The following EPB41L2 variants were observed in gnomAD, a reference collection of about 807,000 sequenced individuals.
EPB41L2 encodes the protein erythrocyte membrane protein band 4.1 like 2.
EPB41L2 carries 43 observed loss-of-function variants against 113.0 expected under a neutral mutation model. The observed-to-expected ratio is 0.38, with a 90% CI of 0.30 to 0.49. The LOEUF is 0.49. Among genes scored for constraint, EPB41L2 ranks in the 20% least tolerant of loss-of-function variants. EPB41L2 has a pLI of 0.95. For synonymous variants in EPB41L2, 442 were observed against 436.7 expected, an observed-to-expected ratio of 1.01 and a Z score of -0.15; for missense variants, 1,147 against 1,223.4, an observed-to-expected ratio of 0.94 and a Z score of 0.93.
chr6:130,927,108 A>G (rs1805021048), intron 3 of EPB41L2, among the ~76,000 whole-genome samples: 1 of 152,194 alleles, frequency 6.6e-6, no homozygotes, highest in African/African-American at 2.4e-5. Context: ...TATTCAGTAG[A>G]TCCTAACATA....
intron 1 of EPB41L2, among the ~76,000 whole-genome samples, chr6:131,018,085 G>T (rs1788645736): frequency 1.3e-5 from 2 of 152,164 alleles, no homozygotes; most frequent in Admixed American, 1.3e-4. Flanking sequence ...GGCCTAGCTA[G>T]AACAGACCCA....
intron 10 of EPB41L2, among the ~76,000 whole-genome samples, chr6:130,892,399 A>G (rs1431764680): frequency 3.3e-5 from 2 of 60,030 alleles, no homozygotes; most frequent in Non-Finnish European, 8.4e-5. Flanking sequence ...TGAACAGATT[A>G]TTGCTTTTTT....
At chr6:130,864,049 T>C (rs1415838875) in intron 17 of EPB41L2, among the ~76,000 whole-genome samples, 1 of 152,204 alleles carries the variant, frequency 6.6e-6, no homozygotes, top group Non-Finnish European at 1.5e-5. Context: ...AGTAGTTCCT[T>C]TAAGGGAATT....
intron 4 of EPB41L2, among the ~76,000 whole-genome samples, chr6:130,925,190 CTT>C (rs398048854): frequency 8.4e-5 from 11 of 130,350 alleles, no homozygotes; most frequent in Non-Finnish European, 6.4e-5. Flanking sequence ...GATTTCTTTT[CTT>C]TTTTTTTTTT....
At chr6:130,980,084 G>A (rs377136864) in intron 1 of EPB41L2, among the ~76,000 whole-genome samples, 1 of 152,204 alleles carries the variant, frequency 6.6e-6, no homozygotes, top group East Asian at 1.9e-4. Flanking sequence ...ACAGGGGCAA[G>A]GGCAGATTGC....
At chr6:130,889,672 C>A (rs758877413) in intron 11 of EPB41L2, among the ~76,000 whole-genome samples, 7 of 151,964 alleles carry the variant, frequency 4.6e-5, no homozygotes, top group Admixed American at 2.0e-4. Context: ...TGCTACCATA[C>A]GAAAAAATCC....
At chr6:130,887,409 T>TA (rs902970285) in intron 11 of EPB41L2, among the ~76,000 whole-genome samples, 11 of 152,326 alleles carry the variant, frequency 7.2e-5, no homozygotes, top group Non-Finnish European at 1.3e-4. Context: ...TCAAATGATT[T>TA]TTTTTTTAAA....
At chr6:130,980,388 G>A (rs1489546069) in intron 1 of EPB41L2, among the ~76,000 whole-genome samples, 1 of 152,042 alleles carries the variant, frequency 6.6e-6, no homozygotes, top group East Asian at 1.9e-4. Flanking sequence ...AGAAAGAAAG[G>A]AAAATGAATG....
rs1238737341 is a variant in EPB41L2, at chr6:130,880,191, C to T, written c.1849G>A (p.Val617Ile). The change falls in exon 13 of 20, where the codon GTA (valine) becomes ATA (isoleucine). Residue 617 changes from valine (V) to isoleucine (I), a missense_variant. Val to Ile is a conservative substitution (Grantham distance 29). Coordinates refer to ENST00000337057, the MANE Select transcript of EPB41L2 (RefSeq NM_001431.4). ...CTGACATAAATATTATCCCCTTCTA[C>T]TCTCAAGGAATTTTTCTGTGAAATT... ...LIEGKKNSLR[V>I]EGDNIYVRHS... The T allele has an allele frequency of 3.1e-6, 5 of 1,609,276 alleles. No homozygotes were observed. Among genetic ancestry groups the T allele is most frequent in the Admixed American group, 1.7e-5 (1 of 59,932 alleles).
intron 4 of EPB41L2, among the ~76,000 whole-genome samples, chr6:130,924,617 T>C (rs906874806): frequency 1.3e-5 from 2 of 152,038 alleles, no homozygotes; most frequent in Non-Finnish European, 2.9e-5. Context: ...CCTGACCTCA[T>C]GATCTGCCCG....
At chr6:130,903,395 G>GT (rs983052139) in intron 6 of EPB41L2, among the ~76,000 whole-genome samples, 5 of 116,174 alleles carry the variant, frequency 4.3e-5, no homozygotes, top group African/African-American at 2.5e-4. Context: ...GCAACAAGTA[G>GT]TTTAAAAAAA....
At chr6:131,021,091 C>T (rs1365053303) in intron 1 of EPB41L2, among the ~76,000 whole-genome samples, 2 of 152,176 alleles carry the variant, frequency 1.3e-5, no homozygotes, top group Admixed American at 1.3e-4. Flanking sequence ...AGCCACCACA[C>T]TAGGCTTGGA....
intron 4 of EPB41L2, among the ~76,000 whole-genome samples, chr6:130,924,481 C>T (rs9492756): frequency 0.32 from 47,912 of 151,710 alleles, 9,965 homozygotes; most frequent in African/African-American, 0.57. Flanking sequence ...CGGGTTCAAA[C>T]GATTCTCCTG....
intron 19 of EPB41L2, among the ~76,000 whole-genome samples, chr6:130,843,419 A>G (rs992431071): frequency 3.3e-5 from 5 of 152,230 alleles, no homozygotes; most frequent in Non-Finnish European, 1.5e-5. Context: ...AGTTTCAAGA[A>G]CATTCTTTTC....
intron 8 of EPB41L2, among the ~76,000 whole-genome samples, chr6:130,896,641 TA>T (rs1794759732): frequency 6.6e-6 from 1 of 152,250 alleles, no homozygotes; most frequent in South Asian, 2.1e-4. Context: ...TTGTTCTATG[TA>T]ATTATTTTAG....
chr6:131,036,292 C>T (rs1793292940), intron 1 of EPB41L2, among the ~76,000 whole-genome samples: 2 of 152,038 alleles, frequency 1.3e-5, no homozygotes, highest in South Asian at 2.1e-4. Context: ...CTAGCTACAG[C>T]ATAAGATCCA....
At chr6:131,032,281 C>A (rs1237256456) in intron 1 of EPB41L2, among the ~76,000 whole-genome samples, 5 of 151,942 alleles carry the variant, frequency 3.3e-5, no homozygotes, top group Admixed American at 3.3e-4. Context: ...GTTTTTTCAT[C>A]CCTAAAATGC....
intron 15 of EPB41L2, 108 bp downstream of exon 15, chr6:130,869,455 T>C: frequency 9.7e-7 from 1 of 1,029,878 alleles, no homozygotes; most frequent in Non-Finnish European, 1.4e-6. Flanking sequence ...AAAATCAGAT[T>C]CTTGTTGAAA....
At chr6:130,870,523 C>T (rs544107178) in intron 14 of EPB41L2, 5 of 846,032 alleles carry the variant, frequency 5.9e-6, no homozygotes, top group Admixed American at 2.7e-5. Flanking sequence ...ACATAGAGGA[C>T]AATCAAGACA....
Sources: gnomAD v4.1 joint callset for allele counts (sites outside exome capture counted in the v4.1 genomes callset) on GRCh38, gnomAD v4.1.1 for gene constraint, MANE v1.5 for transcripts, NCBI Gene and HGNC (gene_info 2026-07-23, HGNC 2026-07-21) for gene names.